PRR33: variants seen among roughly 807,000 people sequenced by gnomAD.
The protein encoded by PRR33 is proline rich 33, also known as proline-rich protein 33.
A neutral mutation model predicts 0.5 loss-of-function variants in PRR33; 1 was observed. The observed-to-expected ratio is 2.18, with a 90% CI of 0.77 to 10.34. PRR33 has a LOEUF of 10.34. Ranked by LOEUF, PRR33 falls within the 30% of genes most tolerant of loss-of-function variation. The probability of loss-of-function intolerance (pLI) is 0.13; values close to 1 mark genes in which losing one functional copy is unlikely to be tolerated. For synonymous variants in PRR33, 226 were observed against 110.0 expected (o/e 2.06, Z -6.60); for missense variants, 552 against 251.8 (o/e 2.19, Z -8.07).
At chr11:1,910,665 C>T in the PRR33 span, among the ~76,000 whole-genome samples, 2 of 152,224 alleles carry the variant, frequency 1.3e-5, no homozygotes, top group Non-Finnish European at 2.9e-5. Context: ...CGTCCAGTGA[C>T]AATCCTTGTC....
exon 1 of PRR33, chr11:1,889,836 G>A (rs1340120106): frequency 3.6e-5 from 23 of 634,522 alleles, no homozygotes; most frequent in Middle Eastern, 2.5e-4. Flanking sequence ...GCCGGGTGGC[G>A]GCCGTGGTAC....
At chr11:1,901,781 T>A in the PRR33 span, among the ~76,000 whole-genome samples, 5 of 152,170 alleles carry the variant, frequency 3.3e-5, no homozygotes, top group African/African-American at 1.2e-4. Flanking sequence ...GTAAGACTTG[T>A]TACGTAAATT....
chr11:1,901,974 T>C, the PRR33 span, among the ~76,000 whole-genome samples: 1 of 152,198 alleles, frequency 6.6e-6, no homozygotes, highest in East Asian at 1.9e-4. Context: ...GGCTCACGCC[T>C]GTAATCCCAG....
the PRR33 span, among the ~76,000 whole-genome samples, chr11:1,902,428 C>G: frequency 6.6e-6 from 1 of 152,102 alleles, no homozygotes; most frequent in Non-Finnish European, 1.5e-5. Flanking sequence ...TCTGAGAGAC[C>G]TTTTAGACAC....
At chr11:1,903,263 G>A in the PRR33 span, 1 of 146,534 alleles carries the variant, frequency 6.8e-6, no homozygotes, top group Non-Finnish European at 1.5e-5. Context: ...ACAGGTGAGT[G>A]CTACCGTGCC....
At chr11:1,893,750 G>GA (rs1849083358), upstream of PRR33, among the ~76,000 whole-genome samples, 1 of 150,484 alleles carries the variant, frequency 6.6e-6, no homozygotes, top group African/African-American at 2.4e-5. Flanking sequence ...TGGATGGATG[G>GA]ATGAAGGGAT....
chr11:1,910,864 T>C, the PRR33 span, among the ~76,000 whole-genome samples: 2 of 152,260 alleles, frequency 1.3e-5, no homozygotes, highest in Admixed American at 1.3e-4. Flanking sequence ...TCAGGTTCTC[T>C]TCTCTGCCAG....
the PRR33 span, among the ~76,000 whole-genome samples, chr11:1,906,692 G>A: frequency 1.3e-5 from 2 of 152,188 alleles, no homozygotes; most frequent in Non-Finnish European, 2.9e-5. Context: ...CCACCGCTGT[G>A]CGTGATAGGG....
the PRR33 span, among the ~76,000 whole-genome samples, chr11:1,916,262 ACT>A: frequency 6.6e-6 from 1 of 151,806 alleles, no homozygotes; most frequent in East Asian, 1.9e-4. Flanking sequence ...AGCACCCCAG[ACT>A]CTGATGTTCT....
chr11:1,893,124 G>A (rs1342113227), upstream of PRR33, among the ~76,000 whole-genome samples: 1 of 130,810 alleles, frequency 7.6e-6, no homozygotes, highest in African/African-American at 2.7e-5. Context: ...AATAGGGGAT[G>A]GATGAATGGA....
chr11:1,890,508 G>T, exon 1 of PRR33: 1 of 716,812 alleles, frequency 1.4e-6, no homozygotes. Flanking sequence ...GGGCAGCAGG[G>T]GCGGTGGGGG....
the PRR33 span, among the ~76,000 whole-genome samples, chr11:1,916,416 C>T: frequency 2.6e-5 from 4 of 152,116 alleles, no homozygotes; most frequent in South Asian, 2.1e-4. Context: ...AGGGAGGTGA[C>T]GTGCCCCCAT....
the PRR33 span, among the ~76,000 whole-genome samples, chr11:1,916,304 T>C: frequency 6.6e-6 from 1 of 152,226 alleles, no homozygotes; most frequent in African/African-American, 2.4e-5. Context: ...CCTTGGGTCC[T>C]CACAGCCACT....
chr11:1,916,802 C>T, the PRR33 span, among the ~76,000 whole-genome samples: 4 of 152,206 alleles, frequency 2.6e-5, no homozygotes. Context: ...TGCAGCCTCC[C>T]GTCCACGGCC....
the PRR33 span, among the ~76,000 whole-genome samples, chr11:1,917,471 G>C: frequency 5.3e-5 from 8 of 152,160 alleles, no homozygotes; most frequent in African/African-American, 1.9e-4. Context: ...CCAAGGCCCC[G>C]TGGTCCGTCC....
chr11:1,905,340 T>C, the PRR33 span, among the ~76,000 whole-genome samples: 1 of 151,834 alleles, frequency 6.6e-6, no homozygotes, highest in South Asian at 2.1e-4. Flanking sequence ...TTGGCCAGGC[T>C]ACTCTCGAAC....
upstream of PRR33, among the ~76,000 whole-genome samples, chr11:1,893,092 T>A (rs1480068410): frequency 2.3e-5 from 3 of 128,614 alleles, no homozygotes; most frequent in Non-Finnish European, 5.1e-5. Context: ...GGTGGGTGAG[T>A]GGAGGGATGG....
At chr11:1,891,020 G>A (rs1476569569) in exon 1 of PRR33, 1 of 164,746 alleles carries the variant, frequency 6.1e-6, no homozygotes, top group Non-Finnish European at 1.3e-5. Context: ...GGCTGGAAGA[G>A]CGGCTGCCCC....
the PRR33 span, among the ~76,000 whole-genome samples, chr11:1,904,672 T>G: frequency 6.6e-6 from 1 of 151,388 alleles, no homozygotes; most frequent in Admixed American, 6.6e-5. Context: ...CACACCCAGC[T>G]AATTTTTGCA....
Sources: allele counts gnomAD v4.1 joint callset (sites outside exome capture counted in the v4.1 genomes callset), GRCh38; gene constraint gnomAD v4.1.1; transcripts MANE v1.5; gene names NCBI Gene and HGNC (gene_info 2026-07-23, HGNC 2026-07-21).